Variants in SRCAP observed in about 807,000 individuals in gnomAD.
SRCAP encodes the protein Snf2 related CREBBP activator protein, also known as chromatin remodeling protein SRCAP.
A neutral mutation model predicts 263.1 loss-of-function variants in SRCAP; 46 were observed. The observed-to-expected ratio is 0.17, with a 90% CI of 0.14 to 0.22. The LOEUF (loss-of-function observed/expected upper bound fraction) is 0.22, where lower values mean the gene tolerates loss of function less well. Ranked by LOEUF, SRCAP falls within the 10% of genes least tolerant of loss-of-function variation. The probability of loss-of-function intolerance (pLI) is 1.00; values close to 1 mark genes in which losing one functional copy is unlikely to be tolerated. For missense variants in SRCAP, 3,695 were observed against 4,181.9 expected, an observed-to-expected ratio of 0.88 and a Z score of 3.21; for synonymous variants, 1,813 against 1,662.1, an observed-to-expected ratio of 1.09 and a Z score of -2.21.
chr16:30,710,724 C>T, intron 8 of SRCAP, 30 bp from the exon 9 acceptor site: 2 of 1,610,542 alleles, frequency 1.2e-6, no homozygotes, highest in Non-Finnish European at 1.7e-6. Flanking sequence ...TAACCTTAGA[C>T]CCTTCCCTTT....
chr16:30,701,636 C>CTT (rs35698444), intron 3 of SRCAP, among the ~76,000 whole-genome samples: 4 of 136,754 alleles, frequency 2.9e-5, no homozygotes, highest in African/African-American at 5.5e-5. Flanking sequence ...TTTTTCTTTT[C>CTT]TTTTTTTTTT....
At chr16:30,718,010 C>T (rs1361679755) in intron 18 of SRCAP, among the ~76,000 whole-genome samples, 2 of 151,096 alleles carry the variant, frequency 1.3e-5, no homozygotes, top group Non-Finnish European at 2.9e-5. Context: ...GAACTATATG[C>T]GTGCACCACT....
Position 30,723,863 on chromosome 16 carries a change from T to G in SRCAP, c.4439T>G (p.Leu1480Trp), listed in dbSNP as rs766268048. The change falls in exon 25 of 34, where the codon TTG (leucine) becomes TGG (tryptophan). Residue 1480 changes from leucine (L) to tryptophan (W), a missense_variant. Around this residue, in one of 12 missense-constraint regions of SRCAP, gnomAD observed 1,347 missense variants for 1,304.4 expected, o/e 1.03. Transcript: ENST00000262518. ...CTGTTGACCAGTGTGACTCCACCAT[T>G]GGCACCTGTTGTCCCAGCGGCTCCT... ...PALLTSVTPPLAPVVPAAPGP... is the reference protein window; with the variant it reads ...PALLTSVTPPWAPVVPAAPGP... 6.2e-7 allele frequency: 1 copy of G among 1,614,138 alleles called. No individual in the cohort carries two copies. Among genetic ancestry groups the G allele is most frequent in the Non-Finnish European group, 8.5e-7 (1 of 1,180,032 alleles).
intron 30 of SRCAP, 179 bp downstream of exon 30, chr16:30,734,187 ACAAAAAT>A (rs2053137899): frequency 1.5e-6 from 1 of 655,580 alleles, no homozygotes; most frequent in Admixed American, 3.1e-5. Flanking sequence ...TACTAAAAAT[ACAAAAAT>A]TAGCCGGGCA....
intron 4 of SRCAP, among the ~76,000 whole-genome samples, chr16:30,705,150 A>C (rs1001223376): frequency 6.6e-6 from 1 of 151,940 alleles, no homozygotes; most frequent in Non-Finnish European, 1.5e-5. Flanking sequence ...AAAATACAAA[A>C]ATTAGCCTGG....
Position 30,724,365 on chromosome 16 carries a change from G to C in SRCAP, c.4941G>C (p.Pro1647=). ...TPGTSLASAS[P]VPAPTPVLAP... is the part of the protein sequence containing the mutation. ...GAACCTCTTTAGCCTCAGCTTCACC[G>C]GTACCAGCTCCAACCCCTGTGTTGG... Residue 1647 remains proline (P), a synonymous_variant, in exon 25 of 34, where the codon CCG becomes CCC. Transcript: ENST00000262518. 6.2e-7 allele frequency: 1 copy of C among 1,614,090 alleles called. No individual in the cohort carries two copies. Among genetic ancestry groups the C allele is most frequent in the Non-Finnish European group, 8.5e-7 (1 of 1,180,026 alleles).
At chr16:30,720,545 C>T (rs866570535) in intron 19 of SRCAP, among the ~76,000 whole-genome samples, 168 bp from the exon 20 acceptor site, 2 of 152,118 alleles carry the variant, frequency 1.3e-5, no homozygotes, top group African/African-American at 2.4e-5. Context: ...TCTCTCTGTT[C>T]GGTGCTTTCT....
chr16:30,714,804 G>C (rs1043698729), intron 16 of SRCAP, among the ~76,000 whole-genome samples: 4 of 152,114 alleles, frequency 2.6e-5, no homozygotes, highest in Admixed American at 2.6e-4. Flanking sequence ...ACCGTTCCCA[G>C]CCTGTTTGTT....
rs1406400127 is a variant in SRCAP at position 30,711,983 on chromosome 16, T to G, written c.1641T>G (p.Asp547Glu). Residue 547 changes from aspartate to glutamate, a missense_variant, in exon 12 of 34, where the codon GAT (aspartate) becomes GAG (glutamate). Transcript: ENST00000262518. ...QSQADEEEED[D>E]DFGVEYLLAR... is the part of the protein sequence containing the mutation. The stretch of plus-strand genomic sequence containing the variant: ...AAGCAGATGAAGAGGAGGAAGATGA[T>G]GATTTTGGGGTGGAGTACTTGCTTG... 3 of 1,613,802 alleles carry G rather than the reference T, an allele frequency of 1.9e-6. No individual in the cohort carries two copies. Among genetic ancestry groups the G allele is most frequent in the Non-Finnish European group, 2.5e-6 (3 of 1,179,956 alleles).
chr16:30,739,650 G>A lies in SRCAP; in HGVS notation c.9610G>A (p.Asp3204Asn). ...RRLVGTTNQG[D>N]QRILRSSAPP... ...GCTTGTTGGGACCACCAACCAAGGG[G>A]ACCAGCGCATCCTGCGCAGCAGCGC... is the stretch of plus-strand genomic sequence containing the variant. Residue 3204 changes from aspartate to asparagine, a missense_variant, in exon 34 of 34, where the codon GAC (aspartate) becomes AAC (asparagine). Physicochemically the swap from Asp to Asn is conservative, Grantham distance 23. Coordinates refer to ENST00000262518, the MANE Select transcript of SRCAP (RefSeq NM_006662.3). The A allele has an allele frequency of 6.3e-7, 1 of 1,589,072 alleles. No individual in the cohort carries two copies. The highest frequency in any genetic ancestry group is 2.3e-5 in the East Asian group (1 of 43,440).
rs2053154517 is a variant in SRCAP at position 30,735,676 on chromosome 16, G to A, written c.6730-524G>A. On this transcript the variant is annotated intron_variant, in intron 31 of 33. Coordinates refer to ENST00000262518, the MANE Select transcript of SRCAP (RefSeq NM_006662.3). Reference sequence around the variant, plus strand: ...GCTCACTACAGCCTCCACCTCCCGGGTTCAAGTGATTCTCCTGCCTCAGCC... The same window carrying A: ...GCTCACTACAGCCTCCACCTCCCGGATTCAAGTGATTCTCCTGCCTCAGCC... 2.1e-5 allele frequency among the ~76,000 whole-genome samples: 3 copies of A among 143,970 alleles called. No homozygotes were observed. The South Asian group carries it at 6.7e-4, about 32-fold the overall frequency. 94.4% of individuals were successfully genotyped at this position (143,970 alleles called of 152,430 possible).
chr16:30,713,487 T>C (rs1312096349), intron 15 of SRCAP, 32 bp from the exon 16 acceptor site: 18 of 1,612,924 alleles, frequency 1.1e-5, no homozygotes, highest in African/African-American at 2.7e-5. Flanking sequence ...TTGCTGACCA[T>C]ACTCTCTCTG....
intron 4 of SRCAP, among the ~76,000 whole-genome samples, chr16:30,706,701 C>A (rs538280251): frequency 1.3e-5 from 2 of 152,210 alleles, no homozygotes; most frequent in African/African-American, 4.8e-5. Flanking sequence ...TAGCATATTT[C>A]TAAGCTTAAT....
At chr16:30,726,982 A>G (rs2053070568) in intron 25 of SRCAP, among the ~76,000 whole-genome samples, 2 of 152,122 alleles carry the variant, frequency 1.3e-5, no homozygotes, top group African/African-American at 4.8e-5. Context: ...GATTATAGAC[A>G]TGAGCCACTG....
chr16:30,699,894 G>T lies in SRCAP; in HGVS notation c.-283-14G>T, dbSNP rs2052746560. On this transcript the variant is annotated splice_polypyrimidine_tract_variant and intron_variant, in intron 1 of 33. Coordinates refer to ENST00000262518, the MANE Select transcript of SRCAP (RefSeq NM_006662.3). ...AAAACTGGAGTAAATAATACGCTTT[G>T]ATGGATGTTTCAGGTGTGATTCCCT... The T allele has an allele frequency of 6.6e-6, 1 of 152,216 alleles. No individual in the cohort carries two copies. The highest frequency in any genetic ancestry group is 2.4e-5 in the African/African-American group (1 of 41,444). The allele number at this position is 152,216 out of a possible 1,614,324, so 9.4% of individuals were successfully genotyped here.
intron 4 of SRCAP, among the ~76,000 whole-genome samples, chr16:30,706,285 G>A (rs1440968596): frequency 6.6e-6 from 1 of 151,982 alleles, no homozygotes; most frequent in Non-Finnish European, 1.5e-5. Context: ...GTGAAACCTC[G>A]CCCCTACGAA....
Position 30,733,839 on chromosome 16 carries a change from A to T in SRCAP, c.6494+41A>T, listed in dbSNP as rs2053135008. On this transcript the variant is annotated intron_variant, in intron 29 of 33. Coordinates refer to ENST00000262518, the MANE Select transcript of SRCAP (RefSeq NM_006662.3). The surrounding 1 kb of genome is among the most constrained non-coding windows in gnomAD (Gnocchi z 5.3). ...CCCTCACCTTACTTTCCGTTTACTGATGGGGTTTCCTGGATATATTTGGCT... is the reference window on the plus strand; with the variant it reads ...CCCTCACCTTACTTTCCGTTTACTGTTGGGGTTTCCTGGATATATTTGGCT... The T allele has an allele frequency of 1.2e-6, 2 of 1,611,986 alleles. No homozygotes were observed. Among genetic ancestry groups the T allele is most frequent in the Non-Finnish European group, 8.5e-7 (1 of 1,178,522 alleles).
intron 13 of SRCAP, 70 bp downstream of exon 13, chr16:30,712,509 C>G: frequency 6.6e-7 from 1 of 1,521,446 alleles, no homozygotes; most frequent in Non-Finnish European, 8.8e-7. Context: ...AGTGATGACT[C>G]CAGCTTCATT....
In SRCAP at chr16:30,739,393, G is replaced by T; in HGVS notation, c.9353G>T (p.Arg3118Leu). Reference protein sequence around the residue: ...PPVVSLTPKLRSTRLRPGSLV... With the variant: ...PPVVSLTPKLLSTRLRPGSLV... ...GTGGTCTCACTAACCCCAAAACTGC[G>T]CTCGACCCGGCTGCGTCCAGGGTCT... The change falls in exon 34 of 34, where the codon CGC (arginine) becomes CTC (leucine). Residue 3118 changes from arginine (R) to leucine (L), a missense_variant. Arg to Leu is a moderately radical substitution (Grantham distance 102, BLOSUM62 -2). This residue lies in a region of SRCAP where 1,207 missense variants were observed against 1,142.9 expected (regional missense o/e 1.06). Transcript: ENST00000262518. The T allele has an allele frequency of 6.2e-7, 1 of 1,614,220 alleles. No homozygotes were observed. The highest frequency in any genetic ancestry group is 1.1e-5 in the South Asian group (1 of 91,088).
Sources: allele counts gnomAD v4.1 joint callset (sites outside exome capture counted in the v4.1 genomes callset), GRCh38; gene constraint gnomAD v4.1.1; regional missense constraint gnomAD v4.1.1; non-coding constraint Gnocchi (gnomAD v3.1); transcripts MANE v1.5; gene names NCBI Gene and HGNC (gene_info 2026-07-23, HGNC 2026-07-21).